PHF2: variants seen among roughly 807,000 people sequenced by gnomAD.
PHF2 encodes PHD finger protein 2.
PHF2 carries 27 observed loss-of-function variants against 120.5 expected under a neutral mutation model. The ratio of observed to expected loss-of-function variants is 0.22; its 90% confidence interval spans 0.17 to 0.31. The LOEUF (loss-of-function observed/expected upper bound fraction) is 0.31, where lower values mean the gene tolerates loss of function less well. PHF2 is among the 10% of genes least tolerant of loss of function. The pLI is 1.00. For synonymous variants in PHF2, 568 were observed against 592.5 expected, an observed-to-expected ratio of 0.96 and a Z score of 0.60; for missense variants, 1,024 against 1,434.8, an observed-to-expected ratio of 0.71 and a Z score of 4.63.
chr9:93,598,910 C>T (rs1407847159), intron 1 of PHF2, among the ~76,000 whole-genome samples: 9 of 152,228 alleles, frequency 5.9e-5, no homozygotes, highest in African/African-American at 4.8e-5. Context: ...GCCTCCACAC[C>T]GTTATGGGCT....
Position 93,656,111 on chromosome 9 carries a change from C to G in PHF2, c.1040+90C>G. 9.8e-7 allele frequency: 1 copy of G among 1,019,930 alleles called. No individual in the cohort carries two copies. The allele number at this position is 1,019,930 out of a possible 1,614,324, so 63.2% of individuals were successfully genotyped here. On this transcript the variant is annotated intron_variant, in intron 8 of 21. Transcript: ENST00000359246. The surrounding 1 kb of genome is among the most constrained non-coding windows in gnomAD (Gnocchi z 4.1). ...GGTGCTAGATGCCTTGGGCTGAGTC[C>G]TGGCACAGCCCGCCTGTGGGTGGCC... is the stretch of plus-strand genomic sequence containing the variant.
intron 1 of PHF2, among the ~76,000 whole-genome samples, chr9:93,583,552 C>A (rs946825050): frequency 6.6e-6 from 1 of 150,562 alleles, no homozygotes; most frequent in Non-Finnish European, 1.5e-5. Flanking sequence ...TTCTCCACAT[C>A]CTCACCAACA....
At chr9:93,611,415 C>CAA (rs35037748) in intron 1 of PHF2, among the ~76,000 whole-genome samples, 122 of 140,830 alleles carry the variant, frequency 8.7e-4, no homozygotes, top group East Asian at 2.4e-3. Flanking sequence ...AACTCTGTCT[C>CAA]AAAAAAAAAA....
At chr9:93,607,716 T>C (rs1000448765) in intron 1 of PHF2, among the ~76,000 whole-genome samples, 10 of 152,216 alleles carry the variant, frequency 6.6e-5, no homozygotes, top group African/African-American at 1.9e-4. Flanking sequence ...CTACATATTT[T>C]GTTATATTTA....
chr9:93,631,648 C>T (rs1826003879), intron 2 of PHF2, among the ~76,000 whole-genome samples: 1 of 152,190 alleles, frequency 6.6e-6, no homozygotes, highest in South Asian at 2.1e-4. Context: ...GTCTTTACGA[C>T]AGGAATGACA....
rs148638314 is a variant in PHF2 at position 93,665,797 on chromosome 9, C to T, written c.2049C>T (p.Asp683=). Reference sequence around the variant, plus strand: ...ATGAGTATGAGTACGTGTCGGATGACGGTGAGCTCAAGATCGACGAGTTTC... The same window carrying T: ...ATGAGTATGAGTACGTGTCGGATGATGGTGAGCTCAAGATCGACGAGTTTC... ...VRDEYEYVSD[D]GELKIDEFPI... is the part of the protein sequence containing the mutation. Residue 683 remains aspartate (D), a synonymous_variant, in exon 15 of 22, where the codon GAC becomes GAT. Coordinates refer to ENST00000359246, the MANE Select transcript of PHF2 (RefSeq NM_005392.4). 8.1e-5 allele frequency: 128 copies of T among 1,588,376 alleles called. No individual in the cohort carries two copies. Among genetic ancestry groups the T allele is most frequent in the Non-Finnish European group, 9.9e-5 (115 of 1,165,280 alleles).
chr9:93,661,158 G>A (rs1228900559), intron 12 of PHF2, among the ~76,000 whole-genome samples: 2 of 152,128 alleles, frequency 1.3e-5, no homozygotes, highest in Non-Finnish European at 2.9e-5. Flanking sequence ...TGAAGAGATG[G>A]GCCCAGCCCT....
chr9:93,604,621 CA>C (rs1444912936), intron 1 of PHF2, among the ~76,000 whole-genome samples: 1 of 151,818 alleles, frequency 6.6e-6, no homozygotes, highest in Non-Finnish European at 1.5e-5. Context: ...CCCGCCACCA[CA>C]CCCGGCTAAT....
Position 93,654,487 on chromosome 9 carries a change from T to A in PHF2, c.864T>A (p.Ser288=). 1.2e-6 allele frequency: 2 copies of A among 1,614,084 alleles called. No individual in the cohort carries two copies. The highest frequency in any genetic ancestry group is 1.7e-6 in the Non-Finnish European group (2 of 1,180,018). Residue 288 remains serine (S), a synonymous_variant, in exon 7 of 22, where the codon TCT becomes TCA. Coordinates refer to ENST00000359246, the MANE Select transcript of PHF2 (RefSeq NM_005392.4). The stretch of plus-strand genomic sequence containing the variant: ...TGTATGAGCGCTGGCGGTCTGCCTC[T>A]AACCACAGCGAGATGTTCTTTGCTG... ...ISLYERWRSA[S]NHSEMFFADQ... is the part of the protein sequence containing the mutation.
intron 10 of PHF2, among the ~76,000 whole-genome samples, chr9:93,658,731 A>T (rs1826506223): frequency 1.3e-5 from 2 of 152,124 alleles, no homozygotes; most frequent in South Asian, 4.1e-4. Flanking sequence ...TGGCCCTGGC[A>T]TCAGCTCAGA....
intron 1 of PHF2, among the ~76,000 whole-genome samples, chr9:93,580,859 G>T (rs927120662): frequency 2.6e-5 from 4 of 152,180 alleles, no homozygotes; most frequent in African/African-American, 9.7e-5. Context: ...GAGGGGGAGT[G>T]TCTCAGCAGA....
intron 16 of PHF2, 122 bp downstream of exon 16, chr9:93,666,182 C>T: frequency 1.2e-6 from 1 of 845,220 alleles, no homozygotes; most frequent in South Asian, 1.6e-5. Context: ...GGCAAAGGGG[C>T]CCCTTACCCT....
chr9:93,628,227 C>CT (rs540448158), intron 1 of PHF2, among the ~76,000 whole-genome samples: 190 of 152,248 alleles, frequency 1.2e-3, no homozygotes, highest in Non-Finnish European at 2.3e-3. Context: ...TATAGTGTCT[C>CT]TGTCTGGCTT....
intron 1 of PHF2, among the ~76,000 whole-genome samples, chr9:93,611,232 A>T (rs1469387033): frequency 1.3e-5 from 2 of 152,130 alleles, no homozygotes; most frequent in Non-Finnish European, 1.5e-5. Context: ...CCTGACCGAC[A>T]TGGTGAAACC....
At chr9:93,601,416 A>G (rs1254023264) in intron 1 of PHF2, among the ~76,000 whole-genome samples, 1 of 152,190 alleles carries the variant, frequency 6.6e-6, no homozygotes, top group Admixed American at 6.5e-5. Context: ...TAAGTTTGCA[A>G]ACAGGCTGTG....
intron 1 of PHF2, among the ~76,000 whole-genome samples, chr9:93,623,087 G>T (rs1825851294): frequency 6.6e-6 from 1 of 152,166 alleles, no homozygotes; most frequent in Non-Finnish European, 1.5e-5. Flanking sequence ...GTGAGGGTGT[G>T]GACATGGGGC....
At chr9:93,607,679 A>C (rs184461642) in intron 1 of PHF2, among the ~76,000 whole-genome samples, 1 of 152,166 alleles carries the variant, frequency 6.6e-6, no homozygotes, top group Non-Finnish European at 1.5e-5. Context: ...AACATGGAAT[A>C]TCTCTCCATT....
intron 3 of PHF2, among the ~76,000 whole-genome samples, chr9:93,642,017 C>G (rs1408168489): frequency 1.3e-5 from 2 of 152,172 alleles, no homozygotes; most frequent in Non-Finnish European, 2.9e-5. Context: ...CTTTTCCTAG[C>G]AACATTTATT....
At position 93,677,640 on chromosome 9, in the gene PHF2, T is replaced by G; in HGVS notation, c.3255T>G (p.Ile1085Met). 6.2e-7 allele frequency: 1 copy of G among 1,613,792 alleles called. No individual in the cohort carries two copies. The highest frequency in any genetic ancestry group is 8.5e-7 in the Non-Finnish European group (1 of 1,179,932). Residue 1085 changes from isoleucine (I) to methionine (M), a missense_variant, in exon 22 of 22, where the codon ATT (isoleucine) becomes ATG (methionine). Coordinates refer to ENST00000359246, the MANE Select transcript of PHF2 (RefSeq NM_005392.4). This position sits in a 1 kb window ranked among gnomAD's most constrained non-coding sequence, Gnocchi z 4.4. ...MATAKQRLGK[I>M]LKIHRNGKLL... The stretch of plus-strand genomic sequence containing the variant: ...CCGCCAAGCAGAGGCTTGGGAAAAT[T>G]TTGAAAATTCATCGGAACGGGAAAC...
Sources: gnomAD v4.1 joint callset for allele counts (sites outside exome capture counted in the v4.1 genomes callset) on GRCh38, gnomAD v4.1.1 for gene constraint, Gnocchi (gnomAD v3.1) non-coding constraint, MANE v1.5 for transcripts, NCBI Gene and HGNC (gene_info 2026-07-23, HGNC 2026-07-21) for gene names.